KIAA1217: variants seen among roughly 807,000 people sequenced by gnomAD.
KIAA1217 encodes the protein KIAA1217.
Under a neutral mutation model 163.9 loss-of-function variants are expected in KIAA1217, and 88 were observed. That is an observed-to-expected ratio of 0.54 (90% CI 0.45 to 0.64). The LOEUF (loss-of-function observed/expected upper bound fraction) is 0.64. Among genes scored for constraint, KIAA1217 ranks in the 30% least tolerant of loss-of-function variants. KIAA1217 has a pLI of 0.00. For missense variants in KIAA1217, 2,372 were observed against 2,475.0 expected (o/e 0.96, Z 0.88); for synonymous variants, 903 against 923.1 (o/e 0.98, Z 0.39).
chr10:24,101,448 C>T (rs1246943836), intron 2 of KIAA1217, among the ~76,000 whole-genome samples: 1 of 152,114 alleles, frequency 6.6e-6, no homozygotes, highest in African/African-American at 2.4e-5. Flanking sequence ...CCAGCAAGGA[C>T]ATCCATTCCT....
Position 24,473,700 on chromosome 10 carries a change from T to A in KIAA1217, c.1319T>A (p.Met440Lys). ...RSASAYCNPSMQAEMHMEQSL... is the reference protein window; with the variant it reads ...RSASAYCNPSKQAEMHMEQSL... ...GCGAGTGCTTATTGTAACCCCTCAATGCAAGCGGAAATGCATATGGAACAA... is the reference window on the plus strand; with the variant it reads ...GCGAGTGCTTATTGTAACCCCTCAAAGCAAGCGGAAATGCATATGGAACAA... Residue 440 changes from methionine (M) to lysine (K), a missense_variant, in exon 6 of 21, where the codon ATG becomes AAG. By Grantham distance (95) the Met-to-Lys change is moderately conservative (BLOSUM62 -1). Coordinates refer to ENST00000376454, the MANE Select transcript of KIAA1217 (RefSeq NM_019590.5). 6.2e-7 allele frequency: 1 copy of A among 1,614,038 alleles called. No individual in the cohort carries two copies. The highest frequency in any genetic ancestry group is 8.5e-7 in the Non-Finnish European group (1 of 1,180,014).
intron 2 of KIAA1217, among the ~76,000 whole-genome samples, chr10:24,226,912 A>G (rs1212144364): frequency 6.6e-6 from 1 of 151,972 alleles, no homozygotes; most frequent in African/African-American, 2.4e-5. Flanking sequence ...GCAGAAACCA[A>G]CTTTCCACTC....
chr10:23,858,825 A>C (rs1839827076), intron 1 of KIAA1217, among the ~76,000 whole-genome samples: 1 of 152,128 alleles, frequency 6.6e-6, no homozygotes, highest in Non-Finnish European at 1.5e-5. Context: ...ACCTGCCAAG[A>C]CTTAAGAGAC....
At chr10:23,770,743 A>T (rs1167149170) in intron 1 of KIAA1217, among the ~76,000 whole-genome samples, 2 of 152,330 alleles carry the variant, frequency 1.3e-5, no homozygotes, top group Admixed American at 6.5e-5. Flanking sequence ...GCAATGTAAC[A>T]CAGAAGTAAC....
At chr10:24,499,558 C>G (rs1445457226) in intron 8 of KIAA1217, among the ~76,000 whole-genome samples, 1 of 152,114 alleles carries the variant, frequency 6.6e-6, no homozygotes, top group Non-Finnish European at 1.5e-5. Context: ...CATGGTGAAA[C>G]CTCGTCTCTA....
At chr10:23,796,963 T>A (rs1836237419) in intron 1 of KIAA1217, among the ~76,000 whole-genome samples, 1 of 152,114 alleles carries the variant, frequency 6.6e-6, no homozygotes, top group Non-Finnish European at 1.5e-5. Context: ...AGTGATCTTT[T>A]CACCTCAGCC....
intron 1 of KIAA1217, among the ~76,000 whole-genome samples, chr10:23,709,705 C>T (rs865845861): frequency 5.9e-5 from 9 of 152,048 alleles, no homozygotes; most frequent in Admixed American, 2.0e-4. Flanking sequence ...TAATTATGCT[C>T]ATCTAACCCT....
chr10:23,790,538 C>CATATATACATATGTAT (rs1835838864), intron 1 of KIAA1217, among the ~76,000 whole-genome samples: 1 of 82,086 alleles, frequency 1.2e-5, no homozygotes, highest in African/African-American at 1.0e-4. Context: ...TATACATATA[C>CATATATACATATGTAT]ATGTGCATAT....
intron 1 of KIAA1217, among the ~76,000 whole-genome samples, chr10:23,790,412 T>C (rs1835796591): frequency 1.3e-5 from 1 of 79,150 alleles, no homozygotes; most frequent in Admixed American, 1.4e-4. Context: ...TATATACATA[T>C]ACATATATAC....
chr10:23,886,243 G>C (rs927288760), intron 1 of KIAA1217, among the ~76,000 whole-genome samples: 1 of 151,918 alleles, frequency 6.6e-6, no homozygotes, highest in Non-Finnish European at 1.5e-5. Flanking sequence ...ATTGCTAACT[G>C]TGTGGATGTT....
chr10:23,855,811 T>G (rs561986925), intron 1 of KIAA1217, among the ~76,000 whole-genome samples: 2 of 152,360 alleles, frequency 1.3e-5, no homozygotes, highest in East Asian at 3.9e-4. Flanking sequence ...CATCGGCTCC[T>G]GAGGCTTCTG....
chr10:24,367,313 G>A (rs1014924997), intron 2 of KIAA1217: 5 of 206,194 alleles, frequency 2.4e-5, no homozygotes, highest in East Asian at 1.9e-4. Flanking sequence ...TGCACTTTTC[G>A]CTGTTTACCC....
intron 3 of KIAA1217, among the ~76,000 whole-genome samples, chr10:24,397,991 C>G (rs898982888): frequency 2.0e-5 from 3 of 152,122 alleles, no homozygotes; most frequent in African/African-American, 4.8e-5. Flanking sequence ...CTGTAAATAC[C>G]TACCTCACAG....
intron 14 of KIAA1217, among the ~76,000 whole-genome samples, chr10:24,529,389 T>C (rs966478643): frequency 3.3e-5 from 5 of 152,200 alleles, no homozygotes; most frequent in Non-Finnish European, 7.3e-5. Context: ...TTACTTATGA[T>C]ACCTAATACA....
At chr10:24,335,794 G>A (rs1420287529) in intron 2 of KIAA1217, among the ~76,000 whole-genome samples, 2 of 151,810 alleles carry the variant, frequency 1.3e-5, no homozygotes, top group African/African-American at 4.8e-5. Flanking sequence ...AAATTTTGTA[G>A]ACATAAGAGG....
At chr10:23,849,435 G>A (rs1588943485) in intron 1 of KIAA1217, among the ~76,000 whole-genome samples, 3 of 152,156 alleles carry the variant, frequency 2.0e-5, no homozygotes, top group East Asian at 1.9e-4. Context: ...ATAAGGGGAC[G>A]TGAGGCAGTG....
At chr10:24,522,015 C>T in intron 12 of KIAA1217, 86 bp downstream of exon 12, 8 of 1,459,594 alleles carry the variant, frequency 5.5e-6, no homozygotes, top group Admixed American at 2.0e-5. Flanking sequence ...TTCAGCCTTC[C>T]ACCATGCTCC....
chr10:24,204,067 C>T (rs534180871), upstream of KIAA1217, among the ~76,000 whole-genome samples: 1 of 152,304 alleles, frequency 6.6e-6, no homozygotes, highest in South Asian at 2.1e-4. Context: ...AGCAAATATG[C>T]TTAAAGTATT....
intron 2 of KIAA1217, among the ~76,000 whole-genome samples, chr10:24,272,682 T>C: frequency 6.6e-6 from 1 of 152,364 alleles, no homozygotes; most frequent in African/African-American, 2.4e-5. Flanking sequence ...TTCGAAATTC[T>C]TTACTTCTTT....
Sources: allele counts gnomAD v4.1 joint callset (sites outside exome capture counted in the v4.1 genomes callset), GRCh38; gene constraint gnomAD v4.1.1; transcripts MANE v1.5; gene names NCBI Gene and HGNC (gene_info 2026-07-23, HGNC 2026-07-21).